Variants in SLFN11 observed in about 807,000 individuals in gnomAD.
The protein encoded by SLFN11 is schlafen family member 11.
SLFN11 carries 43 observed loss-of-function variants against 53.4 expected under a neutral mutation model. That is an observed-to-expected ratio of 0.80 (90% confidence interval 0.63 to 1.04). SLFN11 has a LOEUF of 1.04. Ranked by LOEUF, SLFN11 falls within the 50% of genes least tolerant of loss-of-function variation. The pLI, the probability that SLFN11 is intolerant of heterozygous loss-of-function variation, is 0.00. For missense variants in SLFN11, 990 were observed against 1,079.1 expected (o/e 0.92, Z 1.16); for synonymous variants, 389 against 394.7 (o/e 0.99, Z 0.17).
chr17:35,363,878 T>C (rs890172329), intron 3 of SLFN11, 52 bp from the exon 4 acceptor site: 17 of 1,400,654 alleles, frequency 1.2e-5, no homozygotes, highest in Middle Eastern at 1.9e-4. Flanking sequence ...ATTAAAAGGG[T>C]ATTTATTTTG....
intron 1 of SLFN11, among the ~76,000 whole-genome samples, chr17:35,370,270 A>G (rs1909484207): frequency 6.6e-6 from 1 of 152,188 alleles, no homozygotes; most frequent in South Asian, 2.1e-4. Context: ...AGCACTTAAT[A>G]AAACTCATTA....
chr17:35,354,625 G>A (rs943419928), intron 5 of SLFN11, among the ~76,000 whole-genome samples: 1 of 152,168 alleles, frequency 6.6e-6, no homozygotes, highest in Admixed American at 6.5e-5. Flanking sequence ...CTCTCCTGAA[G>A]CAGAATTCTT....
intron 1 of SLFN11, among the ~76,000 whole-genome samples, chr17:35,369,787 C>T (rs956796180): frequency 1.3e-5 from 2 of 152,042 alleles, no homozygotes; most frequent in African/African-American, 4.8e-5. Flanking sequence ...AATTCTTAGA[C>T]ACATACAACC....
At chr17:35,368,459 A>G (rs1025292196) in intron 1 of SLFN11, among the ~76,000 whole-genome samples, 3 of 152,138 alleles carry the variant, frequency 2.0e-5, no homozygotes, top group African/African-American at 7.2e-5. Context: ...AGCCCTAGTG[A>G]GATGGAAATT....
chr17:35,357,345 A>G (rs1430717042), intron 5 of SLFN11, among the ~76,000 whole-genome samples: 1 of 152,048 alleles, frequency 6.6e-6, no homozygotes, highest in Non-Finnish European at 1.5e-5. Flanking sequence ...CATATATAAC[A>G]GTCTTTACTT....
rs1382657610 is a variant in SLFN11 at position 35,351,329 on chromosome 17, C to A, written c.*1027G>T. The A allele has an allele frequency of 6.6e-6, 1 of 152,228 alleles. No homozygotes were observed. Among genetic ancestry groups the A allele is most frequent in the African/African-American group, 2.4e-5 (1 of 41,432 alleles). The allele number at this position is 152,228 out of a possible 1,614,324, so 9.4% of individuals were successfully genotyped here. ...GTAACCTTAATTACTTCCTTAGCAG[C>A]CCCAGCTCCACAGTGCAGGTTGGGG... On this transcript the variant is annotated 3_prime_UTR_variant, in exon 7 of 7. Coordinates refer to ENST00000685675, the MANE Select transcript of SLFN11 (RefSeq NM_001376007.1).
chr17:35,359,873 A>G (rs1405082687), intron 5 of SLFN11: 1 of 178,194 alleles, frequency 5.6e-6, no homozygotes. Flanking sequence ...GTAGTTTGAG[A>G]AAAGTACATA....
Position 35,353,150 on chromosome 17 carries a change from T to G in SLFN11, c.1923-11A>C. ...CAGATATTTCTATCACTGTAAAAATTAAAAGAACACACTCAGGTTTTCTCT... is the reference window on the plus strand; with the variant it reads ...CAGATATTTCTATCACTGTAAAAATGAAAAGAACACACTCAGGTTTTCTCT... On this transcript the variant is annotated splice_polypyrimidine_tract_variant and intron_variant, in intron 6 of 6. Coordinates refer to ENST00000685675, the MANE Select transcript of SLFN11 (RefSeq NM_001376007.1). 6.2e-7 allele frequency: 1 copy of G among 1,607,592 alleles called. No homozygotes were observed. Among genetic ancestry groups the G allele is most frequent in the Non-Finnish European group, 8.5e-7 (1 of 1,177,552 alleles).
chr17:35,370,253 C>A (rs1351381283), intron 1 of SLFN11, among the ~76,000 whole-genome samples: 2 of 152,042 alleles, frequency 1.3e-5, no homozygotes, highest in African/African-American at 4.8e-5. Flanking sequence ...TCAACTGATG[C>A]TGAGAAAGCA....
At position 35,352,679 on chromosome 17, in the gene SLFN11, T is replaced by G; in HGVS notation, c.2383A>C (p.Thr795Pro). 1 of 1,614,018 alleles carries G rather than the reference T, an allele frequency of 6.2e-7. No individual in the cohort carries two copies. Among genetic ancestry groups the G allele is most frequent in the Non-Finnish European group, 8.5e-7 (1 of 1,179,966 alleles). ...VEQIMTCVAD[T>P]CRRFFDRGYS... ...CCCCTATCAAAGAAGCGCCTGCACG[T>G]GTCTGCCACACAGGTCATTATTTGC... Residue 795 changes from threonine (T) to proline (P), a missense_variant, in exon 7 of 7, where the codon ACG becomes CCG. This residue lies in a region of SLFN11 where 313 missense variants were observed against 320.9 expected (regional missense o/e 0.98). Transcript: ENST00000685675.
At chr17:35,353,234 C>T in intron 6 of SLFN11, 95 bp from the exon 7 acceptor site, 1 of 1,598,282 alleles carries the variant, frequency 6.3e-7, no homozygotes, top group Non-Finnish European at 8.5e-7. Flanking sequence ...TACATTACCA[C>T]AGATCATTTT....
chr17:35,366,396 C>T (rs532083467), intron 3 of SLFN11, among the ~76,000 whole-genome samples: 49 of 151,882 alleles, frequency 3.2e-4, no homozygotes, highest in African/African-American at 8.4e-4. Context: ...TTATTTAAAA[C>T]AAAATTGTAA....
In SLFN11 at chr17:35,363,370, T is replaced by C. The variant is rs767572854; in HGVS notation, c.438A>G (p.Arg146=). The C allele has an allele frequency of 5.6e-6, 9 of 1,614,040 alleles. No homozygotes were observed. The highest frequency in any genetic ancestry group is 7.6e-6 in the Non-Finnish European group (9 of 1,179,998). ...TGGTCTTCAGGAAACAGAATGCCTC[T>C]CTTGAGTCCATGGAACGCACAGAGG... is the stretch of plus-strand genomic sequence containing the variant. ...SETSVRSMDS[R]EAFCFLKTKR... is the part of the protein sequence containing the mutation. The change falls in exon 4 of 7, where the codon AGA becomes AGG. Residue 146 remains arginine (R), a synonymous_variant. Transcript: ENST00000685675.
Position 35,362,736 on chromosome 17 carries a change from T to A in SLFN11, c.1069+3A>T. ...AGGGAGGGAGGAGCTTTCTCCCTCT[T>A]ACCTGGATCTGTGTCTGTCATCATG... On this transcript the variant is annotated splice_donor_region_variant and intron_variant, in intron 4 of 6. Coordinates refer to ENST00000685675, the MANE Select transcript of SLFN11 (RefSeq NM_001376007.1). The A allele has an allele frequency of 6.5e-7, 1 of 1,542,514 alleles. No homozygotes were observed. The highest frequency in any genetic ancestry group is 8.7e-7 in the Non-Finnish European group (1 of 1,145,898).
Position 35,363,457 on chromosome 17 carries a change from T to C in SLFN11, c.351A>G (p.Glu117=). ...AAAGGCGGGGCTTGACAGAGCGATCTTCAGGGAAAGGGCCACTGCTCCAAG... is the reference window on the plus strand; with the variant it reads ...AAAGGCGGGGCTTGACAGAGCGATCCTCAGGGAAAGGGCCACTGCTCCAAG... ...VKSWSSGPFP[E]DRSVKPRLCS... is the part of the protein sequence containing the mutation. Residue 117 remains glutamate (E), a synonymous_variant, in exon 4 of 7, where the codon GAA becomes GAG. Transcript: ENST00000685675. 1.2e-6 allele frequency: 2 copies of C among 1,613,920 alleles called. No individual in the cohort carries two copies. Among genetic ancestry groups the C allele is most frequent in the Non-Finnish European group, 8.5e-7 (1 of 1,179,938 alleles).
At chr17:35,369,286 G>C (rs1201523741) in intron 1 of SLFN11, among the ~76,000 whole-genome samples, 1 of 152,078 alleles carries the variant, frequency 6.6e-6, no homozygotes, top group Admixed American at 6.6e-5. Context: ...TGACTAAAGA[G>C]CCCTTGGGCT....
chr17:35,365,894 TA>T (rs1908896615), intron 3 of SLFN11, among the ~76,000 whole-genome samples: 1 of 83,832 alleles, frequency 1.2e-5, no homozygotes, highest in African/African-American at 4.6e-5. Flanking sequence ...AAGATGCACT[TA>T]TTTTTTACAG....
chr17:35,358,921 G>A (rs1408823229), intron 5 of SLFN11, among the ~76,000 whole-genome samples: 4 of 151,978 alleles, frequency 2.6e-5, no homozygotes, highest in Non-Finnish European at 1.5e-5. Flanking sequence ...AAGAAACTGA[G>A]GTGAGAGGAT....
chr17:35,352,476 C>G lies in SLFN11; in HGVS notation c.2586G>C (p.Arg862Ser). Residue 862 changes from arginine (R) to serine (S), a missense_variant, in exon 7 of 7, where the codon AGG (arginine) becomes AGC (serine). Transcript: ENST00000685675. ...DSVRRFSGLERSIVFGIHPRT... is the reference protein window; with the variant it reads ...DSVRRFSGLESSIVFGIHPRT... ...TTGGATGGATCCCAAACACTATGCT[C>G]CTTTCCAGGCCTGAGAATCGCCGAA... 1 of 1,614,196 alleles carries G rather than the reference C, an allele frequency of 6.2e-7. No individual in the cohort carries two copies. Among genetic ancestry groups the G allele is most frequent in the Non-Finnish European group, 8.5e-7 (1 of 1,180,030 alleles).
Sources: gnomAD v4.1 joint callset for allele counts (sites outside exome capture counted in the v4.1 genomes callset) on GRCh38, gnomAD v4.1.1 for gene constraint, gnomAD v4.1.1 regional missense constraint, MANE v1.5 for transcripts, NCBI Gene and HGNC (gene_info 2026-07-23, HGNC 2026-07-21) for gene names.